RAPH1: variants seen among roughly 807,000 people sequenced by gnomAD.
The protein encoded by RAPH1 is ras-associated and pleckstrin homology domains-containing protein 1.
In RAPH1, 18 loss-of-function variants were observed where a neutral mutation model predicts 88.1. That is an observed-to-expected ratio of 0.20 (90% CI 0.14 to 0.30). RAPH1 has a LOEUF of 0.30. Among genes scored for constraint, RAPH1 ranks in the 10% least tolerant of loss-of-function variants. RAPH1 has a pLI of 1.00. For missense variants in RAPH1, 1,448 were observed against 1,543.2 expected (o/e 0.94, Z 1.03); for synonymous variants, 587 against 559.0 (o/e 1.05, Z -0.71).
intron 3 of RAPH1, 100 bp from the exon 4 acceptor site, chr2:203,490,189 C>G: frequency 8.4e-7 from 1 of 1,185,706 alleles, no homozygotes; most frequent in South Asian, 1.8e-5. Context: ...TTTTGTTGGG[C>G]CTAAAGCAAA....
rs567956229 is a variant in RAPH1, at chr2:203,437,055, C to T, written c.*2382G>A. The stretch of plus-strand genomic sequence containing the variant: ...TCTCCTCCTCTAGCCTTACTCTCTT[C>T]CTGGCATCATTAGTGTTCAAAAGGA... On this transcript the variant is annotated 3_prime_UTR_variant, in exon 14 of 14. Transcript: ENST00000319170. The T allele has an allele frequency of 2.0e-4, 31 of 152,104 alleles. No individual in the cohort carries two copies. The highest frequency in any genetic ancestry group is 6.3e-4 in the African/African-American group (26 of 41,416). 9.4% of individuals were successfully genotyped at this position (152,104 alleles called of 1,614,324 possible).
intron 13 of RAPH1, chr2:203,443,805 C>G (rs1392696850): frequency 6.6e-6 from 1 of 152,094 alleles, no homozygotes; most frequent in East Asian, 1.9e-4. Flanking sequence ...AATAGCCAGA[C>G]CTTGTCTCTA....
At chr2:203,456,233 T>C (rs2098519453) in intron 8 of RAPH1, among the ~76,000 whole-genome samples, 1 of 152,200 alleles carries the variant, frequency 6.6e-6, no homozygotes, top group Non-Finnish European at 1.5e-5. Context: ...TAACAGTAGT[T>C]AAATACCTTT....
intron 1 of RAPH1, among the ~76,000 whole-genome samples, chr2:203,527,909 A>C (rs1690198793): frequency 6.6e-6 from 1 of 152,120 alleles, no homozygotes; most frequent in African/African-American, 2.4e-5. Flanking sequence ...GTAAGGTTTA[A>C]GTCCAAGGGC....
rs1204792512 is a variant in RAPH1, at chr2:203,535,205, G to C, written c.-95C>G. 6.6e-6 allele frequency: 1 copy of C among 152,410 alleles called. No individual in the cohort carries two copies. Among genetic ancestry groups the C allele is most frequent in the Non-Finnish European group, 1.5e-5 (1 of 68,250 alleles). The allele number at this position is 152,410 out of a possible 1,614,324, so 9.4% of individuals were successfully genotyped here. On this transcript the variant is annotated 5_prime_UTR_variant, in exon 1 of 14. Transcript: ENST00000319170. ...CCTCCGCCTCCTCCCCAGGCGCGGCGCTCCCTCGCCAGAGACGCAGCGACT... is the reference window on the plus strand; with the variant it reads ...CCTCCGCCTCCTCCCCAGGCGCGGCCCTCCCTCGCCAGAGACGCAGCGACT...
Position 203,441,267 on chromosome 2 carries a change from A to T in RAPH1, c.1923T>A (p.Pro641=). Reference sequence around the variant, plus strand: ...GGAGTGGGGGAGGAGGGGGTGGTGGAGGGGGTGGTGGAGGAGGAGGTGGGG... The same window carrying T: ...GGAGTGGGGGAGGAGGGGGTGGTGGTGGGGGTGGTGGAGGAGGAGGTGGGG... The part of the protein sequence containing the change: ...PPPPPPPPPP[P]PPPPPPPLPS... The change falls in exon 14 of 14, where the codon CCT becomes CCA. Residue 641 remains proline (P), a synonymous_variant. Coordinates refer to ENST00000319170, the MANE Select transcript of RAPH1 (RefSeq NM_213589.3). 1.6e-5 allele frequency: 2 copies of T among 127,526 alleles called. No homozygotes were observed. Among genetic ancestry groups the T allele is most frequent in the Non-Finnish European group, 2.6e-5 (2 of 78,420 alleles). The allele number at this position is 127,526 out of a possible 1,614,324, so 7.9% of individuals were successfully genotyped here.
chr2:203,506,800 A>ATC (rs1689051479), intron 1 of RAPH1, among the ~76,000 whole-genome samples: 15 of 121,466 alleles, frequency 1.2e-4, no homozygotes, highest in African/African-American at 4.0e-4. Context: ...ATATCTATAT[A>ATC]TATATCTATA....
At chr2:203,473,521 T>C (rs921603782) in intron 4 of RAPH1, among the ~76,000 whole-genome samples, 2 of 152,102 alleles carry the variant, frequency 1.3e-5, no homozygotes, top group African/African-American at 2.4e-5. Context: ...CTGCAGAAAT[T>C]GTGGTTTTGG....
At chr2:203,456,428 A>C (rs573989238) in intron 8 of RAPH1, among the ~76,000 whole-genome samples, 24 of 152,368 alleles carry the variant, frequency 1.6e-4, no homozygotes, top group African/African-American at 5.8e-4. Context: ...TGTGACTCTA[A>C]GACAAAGAGG....
chr2:203,495,341 A>C lies in RAPH1; in HGVS notation c.13T>G (p.Ser5Ala), dbSNP rs1688466819. 1 of 1,614,020 alleles carries C rather than the reference A, an allele frequency of 6.2e-7. No individual in the cohort carries two copies. Among genetic ancestry groups the C allele is most frequent in the Non-Finnish European group, 8.5e-7 (1 of 1,179,970 alleles). MEQL[S>A]DEEIDHGAEE... The stretch of plus-strand genomic sequence containing the variant: ...GCACCATGATCAATTTCTTCATCTG[A>C]TAGCTGCTCCATCTGAAATACAGAC... Residue 5 changes from serine (S) to alanine (A), a missense_variant, in exon 2 of 14, where the codon TCA (serine) becomes GCA (alanine). Transcript: ENST00000319170.
At chr2:203,441,952 G>C in intron 13 of RAPH1, 1 of 1,446,978 alleles carries the variant, frequency 6.9e-7, no homozygotes, top group Non-Finnish European at 9.1e-7. Flanking sequence ...TGTTGAGCAG[G>C]CGTGCACAGT....
At chr2:203,518,736 T>G (rs1396711283) in intron 1 of RAPH1, among the ~76,000 whole-genome samples, 1 of 151,924 alleles carries the variant, frequency 6.6e-6, no homozygotes, top group Non-Finnish European at 1.5e-5. Context: ...TAGTCCTAGT[T>G]ACTTGGGAAG....
chr2:203,512,191 G>A (rs1266121270), intron 1 of RAPH1, among the ~76,000 whole-genome samples: 1 of 151,566 alleles, frequency 6.6e-6, no homozygotes, highest in African/African-American at 2.4e-5. Context: ...CACTTTGGGA[G>A]GCCCAGGCAG....
intron 1 of RAPH1, among the ~76,000 whole-genome samples, chr2:203,528,934 GATAT>G (rs1690246058): frequency 7.1e-6 from 1 of 141,154 alleles, no homozygotes; most frequent in Admixed American, 7.1e-5. Context: ...CAAAATTTGG[GATAT>G]ATAAAGAATA....
chr2:203,454,296 C>T (rs1036691354), intron 10 of RAPH1, 134 bp downstream of exon 10: 22 of 611,842 alleles, frequency 3.6e-5, no homozygotes, highest in Non-Finnish European at 5.5e-5. Flanking sequence ...TACCACACTT[C>T]ACCATTCCTT....
chr2:203,506,806 CTATATCTATA>C (rs1689054062), intron 1 of RAPH1, among the ~76,000 whole-genome samples: 1 of 90,542 alleles, frequency 1.1e-5, no homozygotes, highest in Admixed American at 1.2e-4. Flanking sequence ...ATATATATAT[CTATATCTATA>C]TATCTATATA....
In RAPH1 at chr2:203,506,778, ATCTAGATATATATATCTATATATATATC is replaced by A. The variant is rs1337449028; in HGVS notation, c.1-11453_1-11426del. On this transcript the variant is annotated intron_variant, in intron 1 of 13. Coordinates refer to ENST00000319170, the MANE Select transcript of RAPH1 (RefSeq NM_213589.3). ...TATATCTATATATATATCTATATAT[ATCTAGATATATATATCTATATATATATC>A]TATATCTATATATCTATATATATAT... Among the ~76,000 whole-genome samples the A allele has an allele frequency of 1.0e-4, 12 of 115,570 alleles. 2 individuals carry two copies. The highest frequency in any genetic ancestry group is 4.5e-4 in the African/African-American group (11 of 24,694). 75.8% of individuals were successfully genotyped at this position (115,570 alleles called of 152,430 possible).
At chr2:203,492,213 G>A (rs919637068) in intron 2 of RAPH1, among the ~76,000 whole-genome samples, 27 of 140,178 alleles carry the variant, frequency 1.9e-4, no homozygotes, top group South Asian at 4.8e-4. Context: ...CAGCCTGGGC[G>A]ACAGAGCGAG....
chr2:203,491,451 G>C (rs1325370275), intron 2 of RAPH1, 132 bp from the exon 3 acceptor site: 3 of 561,532 alleles, frequency 5.3e-6, no homozygotes, highest in South Asian at 5.5e-5. Flanking sequence ...CTAAGTAATA[G>C]ACTTAAGGAA....
Sources: allele counts gnomAD v4.1 joint callset (sites outside exome capture counted in the v4.1 genomes callset), GRCh38; gene constraint gnomAD v4.1.1; transcripts MANE v1.5; gene names NCBI Gene and HGNC (gene_info 2026-07-23, HGNC 2026-07-21).